Variants in CSMD1 observed in about 807,000 individuals in gnomAD.
The protein encoded by CSMD1 is CUB and Sushi multiple domains 1.
CSMD1 carries 213 observed loss-of-function variants against 417.5 expected under a neutral mutation model. That is an observed-to-expected ratio of 0.51 (90% CI 0.46 to 0.57). The LOEUF (loss-of-function observed/expected upper bound fraction) is 0.57. Ranked by LOEUF, CSMD1 falls within the 20% of genes least tolerant of loss-of-function variation. The pLI, the probability that CSMD1 is intolerant of heterozygous loss-of-function variation, is 0.00. For missense variants in CSMD1, 6,923 were observed against 4,529.7 expected, an observed-to-expected ratio of 1.53 and a Z score of -15.17; for synonymous variants, 2,862 against 1,736.8, an observed-to-expected ratio of 1.65 and a Z score of -16.11.
In CSMD1 at chr8:2,942,456, G is replaced by T. The variant is rs539673879; in HGVS notation, c.10535+16C>A. 2.5e-6 allele frequency: 4 copies of T among 1,606,184 alleles called. No homozygotes were observed. The highest frequency in any genetic ancestry group is 4.5e-5 in the East Asian group (2 of 44,782). ...ACACTCACAACATTCTCAAACAGAT[G>T]GTGTTTCTGCAGTACCTGTGTTTGT... On this transcript the variant is annotated intron_variant, in intron 69 of 69. Transcript: ENST00000635120.
chr8:3,349,933 T>C (rs1808292649), intron 21 of CSMD1, among the ~76,000 whole-genome samples: 1 of 144,942 alleles, frequency 6.9e-6, no homozygotes, highest in Non-Finnish European at 1.5e-5. Context: ...ATATTATATA[T>C]AATATATATT....
At chr8:4,233,688 A>G (rs190882258) in intron 3 of CSMD1, among the ~76,000 whole-genome samples, 5 of 152,274 alleles carry the variant, frequency 3.3e-5, no homozygotes, top group Non-Finnish European at 7.3e-5. Flanking sequence ...TATCCAATGT[A>G]TGGAATTTTG....
At chr8:4,938,421 A>G (rs2117223805) in intron 1 of CSMD1, among the ~76,000 whole-genome samples, 1 of 152,280 alleles carries the variant, frequency 6.6e-6, no homozygotes, top group Admixed American at 6.5e-5. Flanking sequence ...CTCATCAACA[A>G]GTGGCATATG....
intron 5 of CSMD1, among the ~76,000 whole-genome samples, chr8:3,942,517 C>T (rs1047254358): frequency 1.3e-5 from 2 of 152,278 alleles, no homozygotes; most frequent in East Asian, 3.9e-4. Context: ...CTATAACCCT[C>T]AACCCAGGAG....
intron 2 of CSMD1, among the ~76,000 whole-genome samples, chr8:4,563,444 A>T (rs1215298244): frequency 6.6e-6 from 1 of 152,004 alleles, no homozygotes; most frequent in African/African-American, 2.4e-5. Flanking sequence ...TAAAACAATG[A>T]TCATCTCACA....
intron 5 of CSMD1, among the ~76,000 whole-genome samples, chr8:3,847,997 A>G (rs1803625669): frequency 6.6e-6 from 1 of 151,990 alleles, no homozygotes; most frequent in Non-Finnish European, 1.5e-5. Flanking sequence ...TATTCTGTGT[A>G]TCTTGGATGG....
intron 3 of CSMD1, among the ~76,000 whole-genome samples, chr8:4,211,033 T>A (rs1800276514): frequency 6.6e-6 from 1 of 152,180 alleles, no homozygotes; most frequent in Admixed American, 6.5e-5. Context: ...AAAAATATTT[T>A]AAAATACAAA....
intron 3 of CSMD1, among the ~76,000 whole-genome samples, chr8:4,200,550 G>A (rs1041552586): frequency 4.0e-5 from 6 of 151,826 alleles, no homozygotes; most frequent in Admixed American, 3.3e-4. Context: ...TGCCTGCTGT[G>A]CTATCCTTAT....
At chr8:3,504,027 G>T (rs1478835227) in intron 10 of CSMD1, among the ~76,000 whole-genome samples, 1 of 152,120 alleles carries the variant, frequency 6.6e-6, no homozygotes, top group Non-Finnish European at 1.5e-5. Flanking sequence ...GTGTTCGACA[G>T]CACTGCAGGG....
chr8:3,529,437 A>G (rs1187091249), intron 10 of CSMD1, among the ~76,000 whole-genome samples: 1 of 152,178 alleles, frequency 6.6e-6, no homozygotes, highest in East Asian at 1.9e-4. Context: ...TTCAGCAGGA[A>G]TTTTTGTAAG....
chr8:3,916,511 C>G (rs1038198908), intron 5 of CSMD1, among the ~76,000 whole-genome samples: 1 of 152,094 alleles, frequency 6.6e-6, no homozygotes, highest in Admixed American at 6.5e-5. Context: ...AATTAACTTC[C>G]TACTTAGGGA....
intron 3 of CSMD1, among the ~76,000 whole-genome samples, chr8:4,078,313 C>CTT (rs34359373): frequency 0.16 from 21,358 of 131,110 alleles, 2,053 homozygotes; most frequent in Middle Eastern, 0.2. Flanking sequence ...TGATATCCAA[C>CTT]TTTTTTTTTT....
intron 5 of CSMD1, among the ~76,000 whole-genome samples, chr8:3,974,443 C>T (rs866068439): frequency 6.6e-6 from 1 of 151,678 alleles, no homozygotes; most frequent in Non-Finnish European, 1.5e-5. Context: ...AGGGTATGTG[C>T]AAATAATAGT....
intron 1 of CSMD1, among the ~76,000 whole-genome samples, chr8:4,716,331 T>C (rs770106338): frequency 1.3e-5 from 2 of 152,236 alleles, no homozygotes; most frequent in Non-Finnish European, 2.9e-5. Context: ...AGGAAATGTC[T>C]TCTTCAAGAG....
At chr8:3,619,171 T>C (rs1264864454) in intron 7 of CSMD1, among the ~76,000 whole-genome samples, 1 of 152,088 alleles carries the variant, frequency 6.6e-6, no homozygotes, top group Non-Finnish European at 1.5e-5. Flanking sequence ...ATTAATATGT[T>C]TAAAAGCAGC....
At chr8:4,790,002 G>C (rs185280776) in intron 1 of CSMD1, among the ~76,000 whole-genome samples, 10 of 152,122 alleles carry the variant, frequency 6.6e-5, no homozygotes, top group Admixed American at 1.3e-4. Flanking sequence ...CTCAATGGAG[G>C]CCAAGTTATA....
chr8:4,556,355 A>C (rs991992932), intron 2 of CSMD1, among the ~76,000 whole-genome samples: 4 of 152,196 alleles, frequency 2.6e-5, no homozygotes, highest in African/African-American at 9.6e-5. Flanking sequence ...GGTTATGAAG[A>C]TGTCCAAAAA....
At chr8:3,486,822 C>A (rs149415759) in intron 11 of CSMD1, among the ~76,000 whole-genome samples, 4 of 152,304 alleles carry the variant, frequency 2.6e-5, no homozygotes, top group African/African-American at 9.6e-5. Context: ...ATCCAAAATG[C>A]TGAAGCCCAG....
intron 3 of CSMD1, among the ~76,000 whole-genome samples, chr8:4,389,418 G>A (rs181559000): frequency 2.6e-5 from 4 of 152,120 alleles, no homozygotes; most frequent in Admixed American, 6.5e-5. Flanking sequence ...AGAAACATAC[G>A]AAAATCTCAC....
Sources: allele counts gnomAD v4.1 joint callset (sites outside exome capture counted in the v4.1 genomes callset), GRCh38; gene constraint gnomAD v4.1.1; transcripts MANE v1.5; gene names NCBI Gene and HGNC (gene_info 2026-07-23, HGNC 2026-07-21).